The following ZFHX3 variants were observed in gnomAD, a reference collection of about 807,000 sequenced individuals.
The protein encoded by ZFHX3 is zinc finger homeobox 3.
A neutral mutation model predicts 279.1 loss-of-function variants in ZFHX3; 42 were observed. The ratio of observed to expected loss-of-function variants is 0.15; its 90% CI spans 0.12 to 0.19. The LOEUF (loss-of-function observed/expected upper bound fraction) is 0.19. ZFHX3 is among the 10% of genes least tolerant of loss of function. ZFHX3 has a pLI of 1.00. For synonymous variants in ZFHX3, 2,293 were observed against 1,957.8 expected (o/e 1.17, Z -4.52); for missense variants, 4,981 against 4,754.0 (o/e 1.05, Z -1.40).
At chr16:73,485,958 G>A (rs1336231017) in intron 2 of ZFHX3, among the ~76,000 whole-genome samples, 1 of 152,210 alleles carries the variant, frequency 6.6e-6, no homozygotes, top group Non-Finnish European at 1.5e-5. Context: ...AGCAACAGGA[G>A]AGCAGGGACC....
intron 1 of ZFHX3, among the ~76,000 whole-genome samples, chr16:73,839,839 T>C (rs1961253782): frequency 6.6e-6 from 1 of 152,188 alleles, no homozygotes; most frequent in Non-Finnish European, 1.5e-5. Context: ...ACCCTAACCC[T>C]ATCCCTGGGG....
intron 1 of ZFHX3, among the ~76,000 whole-genome samples, chr16:73,691,033 CA>C (rs2053144926): frequency 6.6e-6 from 1 of 152,176 alleles, no homozygotes; most frequent in African/African-American, 2.4e-5. Flanking sequence ...AGTAAAAGGA[CA>C]AAAGGAACTG....
intron 3 of ZFHX3, among the ~76,000 whole-genome samples, chr16:73,369,098 G>A (rs2016578361): frequency 6.6e-6 from 1 of 152,192 alleles, no homozygotes; most frequent in Non-Finnish European, 1.5e-5. Flanking sequence ...AGAACACAGT[G>A]CTCAGTAAAC....
intron 2 of ZFHX3, among the ~76,000 whole-genome samples, chr16:73,603,902 C>G (rs138261044): frequency 6.6e-6 from 1 of 151,294 alleles, no homozygotes; most frequent in Non-Finnish European, 1.5e-5. Flanking sequence ...CCTCAGCCTC[C>G]CAAGTAGGTA....
At chr16:73,350,569 C>G (rs1024841152) in intron 3 of ZFHX3, among the ~76,000 whole-genome samples, 2 of 152,216 alleles carry the variant, frequency 1.3e-5, no homozygotes, top group African/African-American at 2.4e-5. Context: ...GTGAAGGCAG[C>G]TGTTGCAGCT....
chr16:73,030,340 G>T (rs1410895097), intron 1 of ZFHX3, among the ~76,000 whole-genome samples: 1 of 152,176 alleles, frequency 6.6e-6, no homozygotes, highest in Non-Finnish European at 1.5e-5. Context: ...TCTCCTCCAC[G>T]CTGCCCCTTC....
intron 1 of ZFHX3, among the ~76,000 whole-genome samples, chr16:73,715,255 T>C (rs9888962): frequency 0.043 from 6,537 of 152,166 alleles, 261 homozygotes; most frequent in African/African-American, 0.097. Context: ...CCACAGGAAA[T>C]TGACCTCACT....
At chr16:73,744,662 T>C (rs2053688085) in intron 1 of ZFHX3, among the ~76,000 whole-genome samples, 1 of 152,214 alleles carries the variant, frequency 6.6e-6, no homozygotes, top group Non-Finnish European at 1.5e-5. Context: ...GCTGGAGCTC[T>C]GCATAGTCTG....
In ZFHX3 at chr16:73,459,705, T is replaced by G. The variant is rs117678740; in HGVS notation, c.-1546-3447A>C. Reference sequence around the variant, plus strand: ...TCATTGGCTCACAGTTCAGCATGGTTGGGTAGGCCTGAGAAAACTTACAAT... The same window carrying G: ...TCATTGGCTCACAGTTCAGCATGGTGGGGTAGGCCTGAGAAAACTTACAAT... On this transcript the variant is annotated intron_variant, in intron 2 of 17. Coordinates refer to the ZFHX3 transcript ENST00000641206. Among the ~76,000 whole-genome samples the G allele has an allele frequency of 4.9e-3, 739 of 152,202 alleles. 3 individuals are homozygous for G. The highest frequency in any genetic ancestry group is 7.7e-3 in the Non-Finnish European group (523 of 68,014).
rs373235543 is a variant in ZFHX3, at chr16:72,786,412, A to G, written c.*752T>C. ...TCAACACTCTTTGTGTGTGTGGGTT[A>G]TTATTTTTTTTTTTTTTTGAAAGTG... On this transcript the variant is annotated 3_prime_UTR_variant, in exon 10 of 10. Coordinates refer to ENST00000268489, the MANE Select transcript of ZFHX3 (RefSeq NM_006885.4). 1 of 145,616 alleles carries G rather than the reference A, an allele frequency of 6.9e-6. No individual in the cohort carries two copies. The highest frequency in any genetic ancestry group is 7.0e-5 in the Admixed American group (1 of 14,238). The allele number at this position is 145,616 out of a possible 1,614,324, so 9.0% of individuals were successfully genotyped here. A position where few individuals can be genotyped will look rare whatever the true frequency, so the allele number is the denominator to read the frequency against.
chr16:73,723,788 G>C (rs922259416), intron 1 of ZFHX3, among the ~76,000 whole-genome samples: 1 of 152,094 alleles, frequency 6.6e-6, no homozygotes, highest in Non-Finnish European at 1.5e-5. Context: ...TGAATTAAAC[G>C]ATCTTTAAAA....
chr16:73,783,592 G>C (rs1959544603), intron 1 of ZFHX3, among the ~76,000 whole-genome samples: 1 of 152,120 alleles, frequency 6.6e-6, no homozygotes, highest in Non-Finnish European at 1.5e-5. Flanking sequence ...TTTTATTCTA[G>C]GAAATTGATG....
At chr16:73,493,628 C>T (rs1035775121) in intron 2 of ZFHX3, among the ~76,000 whole-genome samples, 1 of 152,158 alleles carries the variant, frequency 6.6e-6, no homozygotes, top group Non-Finnish European at 1.5e-5. Flanking sequence ...TTGGGTCCAG[C>T]CACACAGCAG....
chr16:73,843,327 T>G (rs1009023315), intron 1 of ZFHX3, among the ~76,000 whole-genome samples: 2 of 152,180 alleles, frequency 1.3e-5, no homozygotes, highest in Non-Finnish European at 2.9e-5. Context: ...AGTTGCTCTG[T>G]TTTAAAACGT....
intron 3 of ZFHX3, among the ~76,000 whole-genome samples, chr16:73,338,118 G>T (rs938819143): frequency 6.6e-6 from 1 of 152,124 alleles, no homozygotes; most frequent in African/African-American, 2.4e-5. Context: ...ATCTGCAGAT[G>T]AGCATCAGAA....
chr16:72,927,925 G>C (rs1232812180), intron 3 of ZFHX3, among the ~76,000 whole-genome samples: 2 of 150,988 alleles, frequency 1.3e-5, no homozygotes, highest in African/African-American at 4.9e-5. Flanking sequence ...CACGGAAGGT[G>C]GGGAGGACTA....
intron 3 of ZFHX3, chr16:73,421,372 TAAGTA>T (rs926275248): frequency 9.8e-5 from 15 of 152,370 alleles, no homozygotes; most frequent in African/African-American, 3.6e-4. Context: ...TTGGTATGTT[TAAGTA>T]AAGTGTGCTT....
intron 1 of ZFHX3, among the ~76,000 whole-genome samples, chr16:73,018,596 T>G (rs1245087001): frequency 6.6e-6 from 1 of 152,010 alleles, no homozygotes; most frequent in Non-Finnish European, 1.5e-5. Flanking sequence ...AGACTCCATC[T>G]CAAAAATAAA....
intron 3 of ZFHX3, among the ~76,000 whole-genome samples, chr16:73,331,517 A>C (rs141438742): frequency 6.6e-6 from 1 of 152,200 alleles, no homozygotes; most frequent in Admixed American, 6.5e-5. Context: ...GCCACAGAAC[A>C]AAACCATGCT....
Sources: gnomAD v4.1 joint callset for allele counts (sites outside exome capture counted in the v4.1 genomes callset) on GRCh38, gnomAD v4.1.1 for gene constraint, MANE v1.5 for transcripts, NCBI Gene and HGNC (gene_info 2026-07-23, HGNC 2026-07-21) for gene names.